CYSLTR1: variants seen among roughly 807,000 people sequenced by gnomAD.
CYSLTR1 encodes G-protein coupled receptor HG55.
Under a neutral mutation model 2.1 loss-of-function variants are expected in CYSLTR1, and 1 was observed. That is an observed-to-expected ratio of 0.48 (90% CI 0.17 to 2.28). The LOEUF is 2.28. Among genes scored for constraint, CYSLTR1 ranks in the 30% most tolerant of loss-of-function variants. The pLI, the probability that CYSLTR1 is intolerant of heterozygous loss-of-function variation, is 0.26. For synonymous variants in CYSLTR1, 110 were observed against 89.6 expected (o/e 1.23, Z -1.28); for missense variants, 299 against 250.1 (o/e 1.20, Z -1.32).
At position 78,273,058 on chromosome X, in the gene CYSLTR1, T is replaced by C; in HGVS notation, c.689A>G (p.Lys230Arg). Residue 230 changes from lysine to arginine, a missense_variant, in exon 3 of 3, where the codon AAG becomes AGG. Transcript: ENST00000373304. ...SMKKNLSSHKKAIGMIMVVTA... is the reference protein window; with the variant it reads ...SMKKNLSSHKRAIGMIMVVTA... ...CACGACCATGATCATTCCTATAGCC[T>C]TTTTATGACTTGACAGATTTTTTTT... is the stretch of plus-strand genomic sequence containing the variant. 1.7e-6 allele frequency: 2 copies of C among 1,210,631 alleles called. No homozygotes were observed. Among genetic ancestry groups the C allele is most frequent in the Non-Finnish European group, 2.2e-6 (2 of 894,733 alleles).
Position 78,280,532 on chromosome X carries a change from G to A in CYSLTR1, c.-28+2922C>T, listed in dbSNP as rs762126387. The stretch of plus-strand genomic sequence containing the variant: ...ATTTGTGTGTGTGTGTGTTGGGGGG[G>A]GGGTAAGAATGCTTAAGATCTACTT... On this transcript the variant is annotated intron_variant, in intron 2 of 2. Transcript: ENST00000373304. 4.5e-4 allele frequency among the ~76,000 whole-genome samples: 48 copies of A among 106,473 alleles called. No homozygotes were observed. In the South Asian group the frequency reaches 0.019, roughly 43 times the overall value. The allele number at this position is 106,473 out of a possible 115,157, so 92.5% of individuals were successfully genotyped here.
At chrX:78,283,020 T>A (rs1399647177) in intron 2 of CYSLTR1, among the ~76,000 whole-genome samples, 1 of 112,489 alleles carries the variant, frequency 8.9e-6, no homozygotes, top group Non-Finnish European at 1.9e-5. Flanking sequence ...ATTGTAAAAC[T>A]TTTAAGCAAG....
At chrX:78,283,155 T>C (rs1382443855) in intron 2 of CYSLTR1, among the ~76,000 whole-genome samples, 1 of 111,514 alleles carries the variant, frequency 9.0e-6, no homozygotes, top group Non-Finnish European at 1.9e-5. Context: ...CCAATAATGT[T>C]ACCCTCCACT....
chrX:78,291,260 T>G (rs1301040451), intron 1 of CYSLTR1, among the ~76,000 whole-genome samples: 1 of 111,751 alleles, frequency 8.9e-6, no homozygotes, highest in Non-Finnish European at 1.9e-5. Context: ...GGGTTATGTT[T>G]ATTGATTTGC....
At chrX:78,326,361 G>A (rs1243469059) in intron 1 of CYSLTR1, among the ~76,000 whole-genome samples, 3 of 111,450 alleles carry the variant, frequency 2.7e-5, no homozygotes, top group Non-Finnish European at 5.7e-5. Context: ...AAATATTTTT[G>A]TTTTTAAAAC....
intron 1 of CYSLTR1, chrX:78,321,791 G>A (rs1415933980): frequency 9.0e-6 from 1 of 111,258 alleles, no homozygotes; most frequent in Non-Finnish European, 1.9e-5. Flanking sequence ...TCAAGGATGT[G>A]TTTGATTATA....
chrX:78,301,579 T>G (rs1229108607), intron 1 of CYSLTR1, among the ~76,000 whole-genome samples: 1 of 112,112 alleles, frequency 8.9e-6, no homozygotes, highest in Non-Finnish European at 1.9e-5. Flanking sequence ...TGAGACCACC[T>G]CAGCTTGGAT....
intron 1 of CYSLTR1, among the ~76,000 whole-genome samples, chrX:78,296,926 T>C (rs1377362917): frequency 9.0e-6 from 1 of 111,670 alleles, no homozygotes; most frequent in African/African-American, 3.2e-5. Context: ...TCCAGTACTA[T>C]GTTGAATAAT....
chrX:78,280,853 G>C lies in CYSLTR1; in HGVS notation c.-28+2601C>G, dbSNP rs746628971. Among the ~76,000 whole-genome samples, 5 of 111,721 alleles carry C rather than the reference G, an allele frequency of 4.5e-5. No individual in the cohort carries two copies. The East Asian group carries it at 1.4e-3, about 31-fold the overall frequency. ...ATGTGGTATTTGGTTTTCTGTTTCT[G>C]TGTTAGTTTGCTAAGGATAATGGCC... On this transcript the variant is annotated intron_variant, in intron 2 of 2. Transcript: ENST00000373304.
rs770975068 is a variant in CYSLTR1 at position 78,276,027 on chromosome X, A to C, written c.-27-2254T>G. ...TATTTAAGGCTCTGAAGAAATATGT[A>C]GTACAAGTAGTTGGAATATACTTGT... On this transcript the variant is annotated intron_variant, in intron 2 of 2. Transcript: ENST00000373304. Among the ~76,000 whole-genome samples, 180 of 112,610 alleles carry C rather than the reference A, an allele frequency of 1.6e-3. 1 individual carries two copies. The highest frequency in any genetic ancestry group is 5.2e-3 in the African/African-American group (161 of 31,050).
chrX:78,278,871 C>T (rs747429236), intron 2 of CYSLTR1, among the ~76,000 whole-genome samples: 117 of 111,946 alleles, frequency 1.0e-3, no homozygotes, highest in African/African-American at 3.7e-3. Flanking sequence ...ACTTCCTATT[C>T]AAAAAAATGG....
chrX:78,292,100 A>T (rs938766890), intron 1 of CYSLTR1, among the ~76,000 whole-genome samples: 2 of 111,722 alleles, frequency 1.8e-5, no homozygotes, highest in African/African-American at 6.5e-5. Flanking sequence ...TCCTTTGTGA[A>T]CATTTAGTGC....
chrX:78,309,774 A>T (rs1923155139), intron 1 of CYSLTR1, among the ~76,000 whole-genome samples: 1 of 111,752 alleles, frequency 8.9e-6, no homozygotes, highest in African/African-American at 3.3e-5. Flanking sequence ...AGAACATCTA[A>T]TACACTCCCC....
chrX:78,319,247 A>G (rs1332166001), intron 1 of CYSLTR1: 1 of 93,560 alleles, frequency 1.1e-5, no homozygotes, highest in African/African-American at 3.9e-5. Context: ...TATATCTCTT[A>G]ATGCTATCCC....
chrX:78,297,334 T>C (rs1225436299), intron 1 of CYSLTR1, among the ~76,000 whole-genome samples: 1 of 111,534 alleles, frequency 9.0e-6, no homozygotes, highest in African/African-American at 3.2e-5. Context: ...ATCAGAGATA[T>C]TGGCTTTTAG....
chrX:78,308,482 T>A (rs934988544), intron 1 of CYSLTR1, among the ~76,000 whole-genome samples: 5 of 111,328 alleles, frequency 4.5e-5, no homozygotes, highest in Non-Finnish European at 9.4e-5. Flanking sequence ...AAATGGAGCC[T>A]CTAAGTTTAA....
intron 1 of CYSLTR1, among the ~76,000 whole-genome samples, chrX:78,286,132 G>A (rs1305370257): frequency 9.0e-6 from 1 of 111,091 alleles, no homozygotes; most frequent in African/African-American, 3.3e-5. Flanking sequence ...TAGTGTGCAA[G>A]GTAAATAAGA....
rs749624396 is a variant in CYSLTR1 at position 78,314,857 on chromosome X, C to A, written c.-115+12448G>T. On this transcript the variant is annotated intron_variant, in intron 1 of 2. Transcript: ENST00000373304. ...GCAGCCTAGGCTGCAAGGACTGCAA[C>A]TCCTAGGAACGTCCTAGTGCTAAAC... 1.3e-4 allele frequency among the ~76,000 whole-genome samples: 14 copies of A among 109,416 alleles called. No homozygotes were observed. The East Asian group carries it at 3.8e-3, about 30-fold the overall frequency.
At chrX:78,288,274 C>A (rs7890629) in intron 1 of CYSLTR1, among the ~76,000 whole-genome samples, 1,629 of 111,101 alleles carry the variant, frequency 0.015, 37 homozygotes, top group African/African-American at 0.051. Flanking sequence ...ATTGTATGAA[C>A]AAGAATCAAT....
Sources: gnomAD v4.1 joint callset for allele counts (sites outside exome capture counted in the v4.1 genomes callset) on GRCh38, gnomAD v4.1.1 for gene constraint, MANE v1.5 for transcripts, NCBI Gene and HGNC (gene_info 2026-07-23, HGNC 2026-07-21) for gene names.